Variants in ALG6 observed in about 807,000 individuals in gnomAD.
ALG6 encodes the protein ALG6 alpha-1,3-glucosyltransferase, also known as dolichyl pyrophosphate Man9GlcNAc2 alpha-1,3-glucosyltransferase.
A neutral mutation model predicts 66.6 loss-of-function variants in ALG6; 46 were observed. The ratio of observed to expected loss-of-function variants is 0.69; its 90% CI spans 0.55 to 0.88. The LOEUF (loss-of-function observed/expected upper bound fraction) is 0.88. ALG6 is among the 40% of genes least tolerant of loss of function. The pLI is 0.00. For missense variants in ALG6, 505 were observed against 586.8 expected (o/e 0.86, Z 1.44); for synonymous variants, 185 against 203.7 (o/e 0.91, Z 0.78).
chr1:63,412,175 C>G (rs1644520352), intron 9 of ALG6, 114 bp downstream of exon 9: 1 of 1,460,774 alleles, frequency 6.8e-7, no homozygotes, highest in Admixed American at 1.7e-5. Flanking sequence ...CTCCTGTAAT[C>G]ATTCCTTGCC....
chr1:63,392,216 G>A (rs1315868908), intron 2 of ALG6, among the ~76,000 whole-genome samples: 1 of 151,890 alleles, frequency 6.6e-6, no homozygotes, highest in Non-Finnish European at 1.5e-5. Context: ...TGTCACCCAG[G>A]CTGGAGTGCA....
chr1:63,420,892 T>A lies in ALG6; in HGVS notation c.1058+1452T>A, dbSNP rs144442800. 4.3e-4 allele frequency among the ~76,000 whole-genome samples: 65 copies of A among 151,996 alleles called. No individual in the cohort carries two copies. The East Asian group carries it at 8.5e-3, about 20-fold the overall frequency. On this transcript the variant is annotated intron_variant, in intron 12 of 14. Transcript: ENST00000263440. ...AAAAAAAAAATTAAATAAAAGTTCC[T>A]TTTGACCTGGTCCCAGCTAATCATA...
At chr1:63,394,070 C>T (rs1570049894) in intron 2 of ALG6, among the ~76,000 whole-genome samples, 1 of 152,068 alleles carries the variant, frequency 6.6e-6, no homozygotes, top group Non-Finnish European at 1.5e-5. Flanking sequence ...GAGATTATAG[C>T]GTTTAAAGAA....
At chr1:63,422,722 C>T (rs979469756) in intron 12 of ALG6, among the ~76,000 whole-genome samples, 1 of 151,350 alleles carries the variant, frequency 6.6e-6, no homozygotes, top group South Asian at 2.1e-4. Flanking sequence ...TTGGGAGGCC[C>T]AGGCGGGTGG....
intron 12 of ALG6, among the ~76,000 whole-genome samples, chr1:63,427,320 T>G (rs1644620968): frequency 6.6e-6 from 1 of 151,922 alleles, no homozygotes; most frequent in Non-Finnish European, 1.5e-5. Context: ...GCCTAGTAAT[T>G]TCTTTTAGTA....
chr1:63,379,338 G>A (rs958116568), intron 2 of ALG6, among the ~76,000 whole-genome samples: 1 of 152,140 alleles, frequency 6.6e-6, no homozygotes, highest in African/African-American at 2.4e-5. Context: ...TGTGAATTCA[G>A]GCCCCAACCT....
At position 63,422,292 on chromosome 1, in the gene ALG6, T is replaced by TATATAGATATAA. The variant is rs1557595119; in HGVS notation, c.1058+2858_1058+2869dup. Among the ~76,000 whole-genome samples, 8 of 73,374 alleles carry TATATAGATATAA rather than the reference T, an allele frequency of 1.1e-4. 2 individuals are homozygous for TATATAGATATAA. The highest frequency in any genetic ancestry group is 3.5e-4 in the African/African-American group (5 of 14,098). 48.1% of individuals were successfully genotyped at this position (73,374 alleles called of 152,430 possible). On this transcript the variant is annotated intron_variant, in intron 12 of 14. Coordinates refer to ENST00000263440, the MANE Select transcript of ALG6 (RefSeq NM_013339.4). ...AAATATATATATAAATATATATATT[T>TATATAGATATAA]ATATAGATATAAATATATATCTATA...
intron 2 of ALG6, among the ~76,000 whole-genome samples, chr1:63,387,611 G>T (rs1473920941): frequency 7.9e-6 from 1 of 125,898 alleles, no homozygotes; most frequent in African/African-American, 3.1e-5. Flanking sequence ...GTGTGATCTC[G>T]GCTCACTGCA....
At chr1:63,405,094 T>C (rs999411751) in intron 5 of ALG6, among the ~76,000 whole-genome samples, 5 of 152,172 alleles carry the variant, frequency 3.3e-5, no homozygotes, top group Non-Finnish European at 5.9e-5. Flanking sequence ...ACATGACTTA[T>C]GCTTTAATGC....
chr1:63,374,804 T>C (rs1648064099), intron 2 of ALG6, among the ~76,000 whole-genome samples: 1 of 152,236 alleles, frequency 6.6e-6, no homozygotes, highest in Non-Finnish European at 1.5e-5. Flanking sequence ...TAGGTCTTGC[T>C]GGTGATTAAG....
intron 14 of ALG6, among the ~76,000 whole-genome samples, chr1:63,435,293 T>C (rs554423936): frequency 5.3e-5 from 8 of 152,196 alleles, no homozygotes; most frequent in Non-Finnish European, 1.0e-4. Context: ...ACCAGTCCCA[T>C]ATTTCTTAAG....
chr1:63,417,672 G>A (rs1300397593), intron 11 of ALG6, among the ~76,000 whole-genome samples: 1 of 152,174 alleles, frequency 6.6e-6, no homozygotes, highest in African/African-American at 2.4e-5. Flanking sequence ...TTCAGGTATT[G>A]AGTGCCTTCT....
chr1:63,410,211 T>G (rs1263788030), intron 7 of ALG6, among the ~76,000 whole-genome samples: 1 of 152,158 alleles, frequency 6.6e-6, no homozygotes, highest in African/African-American at 2.4e-5. Context: ...GAAATCTTTA[T>G]CTATTATAAC....
chr1:63,371,096 T>C (rs1344081140), intron 2 of ALG6, 37 bp downstream of exon 2: 2 of 1,460,576 alleles, frequency 1.4e-6, no homozygotes, highest in South Asian at 2.3e-5. Flanking sequence ...AAAACGAAAT[T>C]TTCCTTTGAA....
At chr1:63,428,834 A>G (rs368710679) in intron 13 of ALG6, 33 bp downstream of exon 13, 24 of 1,587,282 alleles carry the variant, frequency 1.5e-5, no homozygotes, top group Middle Eastern at 1.7e-4. Context: ...TATTTTCAGT[A>G]TAATTCTTGT....
chr1:63,402,626 C>G (rs1644470709), intron 4 of ALG6, among the ~76,000 whole-genome samples: 2 of 151,396 alleles, frequency 1.3e-5, no homozygotes, highest in South Asian at 4.2e-4. Context: ...GCCACCATGC[C>G]TGGCTAATGT....
At position 63,406,215 on chromosome 1, in the gene ALG6, C is replaced by T. The variant is rs145642610; in HGVS notation, c.347-102C>T. On this transcript the variant is annotated intron_variant, in intron 5 of 14. Transcript: ENST00000263440. ...GACTTGTCCATAGTAGGGCAAGAACCTTGTGTTAATGAATTCTCAATGTTG... is the reference window on the plus strand; with the variant it reads ...GACTTGTCCATAGTAGGGCAAGAACTTTGTGTTAATGAATTCTCAATGTTG... 10 of 1,046,674 alleles carry T rather than the reference C, an allele frequency of 9.6e-6. No homozygotes were observed. The East Asian group carries it at 2.2e-4, about 23-fold the overall frequency. The allele number at this position is 1,046,674 out of a possible 1,614,324, so 64.8% of individuals were successfully genotyped here. A position where few individuals can be genotyped will look rare whatever the true frequency, so the allele number is the denominator to read the frequency against.
In ALG6 at chr1:63,404,543, T is replaced by TA. The variant is rs1458895392; in HGVS notation, c.346+6dup. ...ATAAGCTCTTCATGCGTACAACAGG[T>TA]AAAAGAGCAATGGGTAGTGAATATA... On this transcript the variant is annotated splice_region_variant and intron_variant, in intron 5 of 14. Coordinates refer to ENST00000263440, the MANE Select transcript of ALG6 (RefSeq NM_013339.4). 4.3e-6 allele frequency: 7 copies of TA among 1,612,388 alleles called. No individual in the cohort carries two copies. In the South Asian group the frequency reaches 7.7e-5, roughly 18 times the overall value.
At chr1:63,409,351 G>A (rs145084579) in intron 7 of ALG6, among the ~76,000 whole-genome samples, 1 of 152,130 alleles carries the variant, frequency 6.6e-6, no homozygotes, top group East Asian at 1.9e-4. Flanking sequence ...AACCGTATAT[G>A]GGTCCATACG....
Sources: allele counts gnomAD v4.1 joint callset (sites outside exome capture counted in the v4.1 genomes callset), GRCh38; gene constraint gnomAD v4.1.1; transcripts MANE v1.5; gene names NCBI Gene and HGNC (gene_info 2026-07-23, HGNC 2026-07-21).